SLC25A26: variants seen among roughly 807,000 people sequenced by gnomAD.
SLC25A26 encodes mitochondrial S-adenosylmethionine carrier protein.
SLC25A26 carries 36 observed loss-of-function variants against 37.8 expected under a neutral mutation model. The ratio of observed to expected loss-of-function variants is 0.95; its 90% CI spans 0.73 to 1.26. The LOEUF is 1.26. Among genes scored for constraint, SLC25A26 ranks in the 50% most tolerant of loss-of-function variants. The probability of loss-of-function intolerance (pLI) is 0.00; values close to 1 mark genes in which losing one functional copy is unlikely to be tolerated. For missense variants in SLC25A26, 390 were observed against 331.1 expected (o/e 1.18, Z -1.38); for synonymous variants, 129 against 122.5 (o/e 1.05, Z -0.35).
chr3:66,255,681 A>G (rs1471836196), intron 3 of SLC25A26, among the ~76,000 whole-genome samples: 2 of 152,180 alleles, frequency 1.3e-5, no homozygotes, highest in African/African-American at 4.8e-5. Context: ...CACAGATGAC[A>G]TTCTGTTTCC....
In SLC25A26 at chr3:66,214,891, G is replaced by A. The variant is rs2071337865; in HGVS notation, c.-353-5851G>A. 4.6e-5 allele frequency among the ~76,000 whole-genome samples: 7 copies of A among 152,280 alleles called. No homozygotes were observed. In the South Asian group the frequency reaches 1.5e-3, roughly 32 times the overall value. The stretch of plus-strand genomic sequence containing the variant: ...GCCTGTAATCCCAGCACTTTGGGAA[G>A]CTGAGGTGGGCGGATGGCTTGAGGC... On this transcript the variant is annotated intron_variant, in intron 1 of 10. Transcript: ENST00000676754.
chr3:66,270,756 T>A (rs2073930402), intron 5 of SLC25A26, among the ~76,000 whole-genome samples: 1 of 152,190 alleles, frequency 6.6e-6, no homozygotes, highest in Non-Finnish European at 1.5e-5. Flanking sequence ...TAGCCTTTAG[T>A]TTTTCATCAT....
chr3:66,156,410 T>C (rs2070283477), intron 1 of SLC25A26, among the ~76,000 whole-genome samples: 1 of 152,056 alleles, frequency 6.6e-6, no homozygotes. Flanking sequence ...GAAGAAGATT[T>C]TCTTCAAAGC....
chr3:66,282,506 C>T (rs1240056365), intron 5 of SLC25A26, among the ~76,000 whole-genome samples: 1 of 152,172 alleles, frequency 6.6e-6, no homozygotes, highest in African/African-American at 2.4e-5. Flanking sequence ...TTACCTTGTA[C>T]TCTCCCTGCC....
At chr3:66,266,210 C>T in intron 5 of SLC25A26, among the ~76,000 whole-genome samples, 1 of 152,068 alleles carries the variant, frequency 6.6e-6, no homozygotes, top group East Asian at 1.9e-4. Flanking sequence ...TGTACAGATT[C>T]TGTGATAGAA....
In SLC25A26 at chr3:66,371,164, G is replaced by A. The variant is rs992281987; in HGVS notation, c.707+562G>A. 6 of 1,440,634 alleles carry A rather than the reference G, an allele frequency of 4.2e-6. No homozygotes were observed. In the Admixed American group the frequency reaches 1.7e-4, roughly 40 times the overall value. 89.2% of individuals were successfully genotyped at this position (1,440,634 alleles called of 1,614,324 possible). On this transcript the variant is annotated intron_variant, in intron 9 of 9. Coordinates refer to ENST00000354883, the MANE Select transcript of SLC25A26 (RefSeq NM_001379210.1). ...ACTTGTGAAGCCGCCTGAATGTTGA[G>A]ATCTTACAGGCATGTGAAATGATGA...
At position 66,378,645 on chromosome 3, in the gene SLC25A26, A is replaced by AAAAC. The variant is rs1467801175; in HGVS notation, c.*842_*845dup. Reference sequence around the variant, plus strand: ...ACAAGCTCCAGGTGTAGAAAAATTCAAAACAAAATGTCAGGAATCTAGCAG... The same window carrying AAAAC: ...ACAAGCTCCAGGTGTAGAAAAATTCAAAACAAACAAAATGTCAGGAATCTAGCAG... On this transcript the variant is annotated 3_prime_UTR_variant, in exon 10 of 10. Transcript: ENST00000354883. The AAAAC allele has an allele frequency of 3.3e-5, 5 of 152,462 alleles. No individual in the cohort carries two copies. Among genetic ancestry groups the AAAAC allele is most frequent in the African/African-American group, 9.6e-5 (4 of 41,462 alleles). 9.4% of individuals were successfully genotyped at this position (152,462 alleles called of 1,614,324 possible).
At chr3:66,248,332 A>G (rs1364382545) in intron 3 of SLC25A26, among the ~76,000 whole-genome samples, 1 of 152,216 alleles carries the variant, frequency 6.6e-6, no homozygotes, top group African/African-American at 2.4e-5. Context: ...CGTTTTTATT[A>G]GGAAGATTGC....
At chr3:66,145,205 A>C (rs966265600) in intron 1 of SLC25A26, among the ~76,000 whole-genome samples, 13 of 152,234 alleles carry the variant, frequency 8.5e-5, no homozygotes, top group African/African-American at 2.9e-4. Context: ...ATCATGTGAA[A>C]GGAGAAAGTG....
intron 5 of SLC25A26, among the ~76,000 whole-genome samples, chr3:66,322,951 A>G (rs2075735631): frequency 6.8e-6 from 1 of 147,206 alleles, no homozygotes; most frequent in Non-Finnish European, 1.6e-5. Context: ...GTTTTTAATT[A>G]TTACAGTTTA....
Position 66,187,456 on chromosome 3 carries a change from A to G in SLC25A26, c.-353-33286A>G, listed in dbSNP as rs916008277. On this transcript the variant is annotated intron_variant, in intron 1 of 10. Coordinates refer to the SLC25A26 transcript ENST00000676754. ...GGCCATCACCCTGCATATGACCCAC[A>G]TCTTGAAACTTACCCTTATCCTTAT... Among the ~76,000 whole-genome samples, 265 of 152,146 alleles carry G rather than the reference A, an allele frequency of 1.7e-3. 1 individual carries two copies. Among genetic ancestry groups the G allele is most frequent in the African/African-American group, 6.2e-3 (256 of 41,506 alleles).
chr3:66,307,816 G>A (rs1323130870), intron 5 of SLC25A26, among the ~76,000 whole-genome samples: 2 of 152,138 alleles, frequency 1.3e-5, no homozygotes, highest in Non-Finnish European at 2.9e-5. Context: ...TTGTAGATGT[G>A]TGGTGTTATT....
chr3:66,341,166 G>T (rs1366879379), intron 5 of SLC25A26, among the ~76,000 whole-genome samples: 1 of 152,078 alleles, frequency 6.6e-6, no homozygotes, highest in Non-Finnish European at 1.5e-5. Context: ...ATGATCTTAA[G>T]GGGAAAGCAT....
intron 6 of SLC25A26, among the ~76,000 whole-genome samples, chr3:66,357,735 A>G (rs2076609123): frequency 6.6e-6 from 1 of 152,196 alleles, no homozygotes; most frequent in African/African-American, 2.4e-5. Context: ...AACTTTTGTA[A>G]ACCCACATTA....
At chr3:66,282,922 C>T (rs2074394747) in intron 5 of SLC25A26, among the ~76,000 whole-genome samples, 2 of 152,172 alleles carry the variant, frequency 1.3e-5, no homozygotes, top group African/African-American at 4.8e-5. Flanking sequence ...TTGAGAATGT[C>T]ATTTAAATGG....
In SLC25A26 at chr3:66,378,021, G is replaced by A; in HGVS notation, c.*214G>A. The stretch of plus-strand genomic sequence containing the variant: ...GAGCTAAGAGAAGAAAACGGGGTCT[G>A]TGGCGGTACTCTGAACAATTTCCTC... On this transcript the variant is annotated 3_prime_UTR_variant, in exon 10 of 10. Coordinates refer to ENST00000354883, the MANE Select transcript of SLC25A26 (RefSeq NM_001379210.1). The A allele has an allele frequency of 6.0e-6, 3 of 497,850 alleles. No individual in the cohort carries two copies. Among genetic ancestry groups the A allele is most frequent in the Non-Finnish European group, 1.1e-5 (3 of 279,058 alleles). The allele number at this position is 497,850 out of a possible 1,614,324, so 30.8% of individuals were successfully genotyped here. A position where few individuals can be genotyped will look rare whatever the true frequency, so the allele number is the denominator to read the frequency against.
chr3:66,265,728 C>T (rs1440041014), intron 5 of SLC25A26, among the ~76,000 whole-genome samples: 2 of 117,964 alleles, frequency 1.7e-5, no homozygotes, highest in Admixed American at 1.7e-4. Flanking sequence ...CTTTGAAGAA[C>T]TTCTTTTTAA....
At chr3:66,245,239 A>C (rs1441826144) in intron 3 of SLC25A26, among the ~76,000 whole-genome samples, 3 of 117,720 alleles carry the variant, frequency 2.5e-5, no homozygotes, top group Non-Finnish European at 3.5e-5. Context: ...AATCGTAAAC[A>C]CAGTTATGAT....
At chr3:66,199,361 C>A (rs1481660031) in intron 1 of SLC25A26, among the ~76,000 whole-genome samples, 3 of 151,954 alleles carry the variant, frequency 2.0e-5, no homozygotes, top group Non-Finnish European at 4.4e-5. Context: ...CCCTACCCTT[C>A]CCTGAACAAT....
Sources: allele counts gnomAD v4.1 joint callset (sites outside exome capture counted in the v4.1 genomes callset), GRCh38; gene constraint gnomAD v4.1.1; transcripts MANE v1.5; gene names NCBI Gene and HGNC (gene_info 2026-07-23, HGNC 2026-07-21).